Variants in IL1RAPL1 observed in about 807,000 individuals in gnomAD.
IL1RAPL1 encodes interleukin-1 receptor accessory protein-like 1.
Under a neutral mutation model 48.4 loss-of-function variants are expected in IL1RAPL1, and 3 were observed. The observed-to-expected ratio is 0.06, with a 90% CI of 0.03 to 0.16. The LOEUF (loss-of-function observed/expected upper bound fraction) is 0.16. Among genes scored for constraint, IL1RAPL1 ranks in the 10% least tolerant of loss-of-function variants. IL1RAPL1 has a pLI of 1.00. For missense variants in IL1RAPL1, 349 were observed against 530.6 expected, an observed-to-expected ratio of 0.66 and a Z score of 3.36; for synonymous variants, 185 against 187.7, an observed-to-expected ratio of 0.99 and a Z score of 0.12.
At chrX:29,462,304 C>T (rs1220438189) in intron 5 of IL1RAPL1, among the ~76,000 whole-genome samples, 2 of 111,344 alleles carry the variant, frequency 1.8e-5, no homozygotes, top group Admixed American at 9.6e-5. Flanking sequence ...TTTCATACCG[C>T]TTGTCACCAG....
chrX:28,811,215 A>G (rs1936790131), intron 2 of IL1RAPL1, among the ~76,000 whole-genome samples: 1 of 110,800 alleles, frequency 9.0e-6, no homozygotes, highest in Admixed American at 9.6e-5. Context: ...AGTTCAGTTA[A>G]TTTTATACAA....
intron 5 of IL1RAPL1, among the ~76,000 whole-genome samples, chrX:29,519,539 T>A (rs1284941193): frequency 8.9e-6 from 1 of 111,787 alleles, no homozygotes; most frequent in Admixed American, 9.5e-5. Context: ...AAAAATTGAG[T>A]TGGCAGTTCA....
intron 2 of IL1RAPL1, among the ~76,000 whole-genome samples, chrX:29,249,081 C>T (rs1438459111): frequency 2.7e-5 from 3 of 111,387 alleles, no homozygotes; most frequent in Non-Finnish European, 3.8e-5. Flanking sequence ...GGAAAGAATA[C>T]ACATATTGTG....
intron 6 of IL1RAPL1, among the ~76,000 whole-genome samples, chrX:29,686,128 TTATTC>T (rs1193142010): frequency 8.9e-6 from 1 of 111,969 alleles, no homozygotes; most frequent in Non-Finnish European, 1.9e-5. Context: ...GAAACTGACT[TTATTC>T]TAGTCTGTGA....
intron 1 of IL1RAPL1, among the ~76,000 whole-genome samples, chrX:28,723,849 G>T (rs1935626188): frequency 8.9e-6 from 1 of 111,753 alleles, no homozygotes; most frequent in Admixed American, 9.5e-5. Flanking sequence ...ATTTCGTTAT[G>T]TACCCAGTAG....
chrX:29,252,162 G>T (rs1377498674), intron 2 of IL1RAPL1, among the ~76,000 whole-genome samples: 2 of 112,857 alleles, frequency 1.8e-5, no homozygotes, highest in Non-Finnish European at 3.7e-5. Flanking sequence ...TATACCTAAT[G>T]CTAGATGACG....
At chrX:29,861,923 G>T (rs372529488) in intron 6 of IL1RAPL1, among the ~76,000 whole-genome samples, 4 of 111,200 alleles carry the variant, frequency 3.6e-5, no homozygotes, top group Non-Finnish European at 7.5e-5. Flanking sequence ...TCTAAGCAGG[G>T]TGAGGGCCAT....
chrX:29,267,351 T>C (rs1482239333), intron 2 of IL1RAPL1, among the ~76,000 whole-genome samples: 1 of 112,397 alleles, frequency 8.9e-6, no homozygotes, highest in Non-Finnish European at 1.9e-5. Flanking sequence ...ACATGAACTA[T>C]TGAATATAAA....
At chrX:29,322,220 T>C (rs1319413381) in intron 3 of IL1RAPL1, among the ~76,000 whole-genome samples, 1 of 110,404 alleles carries the variant, frequency 9.1e-6, no homozygotes. Flanking sequence ...TTTCTTTCTT[T>C]CTGTCTTTCT....
intron 6 of IL1RAPL1, among the ~76,000 whole-genome samples, chrX:29,911,678 G>A (rs1327932534): frequency 3.6e-5 from 4 of 111,616 alleles, no homozygotes; most frequent in East Asian, 2.8e-4. Flanking sequence ...AGTTCTTTGC[G>A]GAATCATATT....
intron 5 of IL1RAPL1, among the ~76,000 whole-genome samples, chrX:29,500,283 A>C (rs919324285): frequency 1.9e-4 from 21 of 112,236 alleles, no homozygotes; most frequent in Non-Finnish European, 2.8e-4. Context: ...GCCCAGCCAG[A>C]ATTATTCTTT....
At chrX:28,980,548 C>G (rs972407626) in intron 2 of IL1RAPL1, among the ~76,000 whole-genome samples, 1 of 111,771 alleles carries the variant, frequency 8.9e-6, no homozygotes, top group African/African-American at 3.3e-5. Context: ...CTCCCCGCAC[C>G]TTCTGCCACA....
At chrX:29,741,314 G>T (rs2147135586) in intron 6 of IL1RAPL1, among the ~76,000 whole-genome samples, 1 of 111,772 alleles carries the variant, frequency 8.9e-6, no homozygotes, top group African/African-American at 3.2e-5. Context: ...GTTTTAATTT[G>T]AAAATTAAGG....
At chrX:28,598,724 G>A (rs761594875) in intron 1 of IL1RAPL1, among the ~76,000 whole-genome samples, 1 of 106,782 alleles carries the variant, frequency 9.4e-6, no homozygotes, top group Non-Finnish European at 1.9e-5. Flanking sequence ...TGCCTCCCGG[G>A]TTCAAGCAAA....
At chrX:28,764,832 CACACAT>C (rs920689428) in intron 1 of IL1RAPL1, among the ~76,000 whole-genome samples, 4 of 110,512 alleles carry the variant, frequency 3.6e-5, no homozygotes, top group African/African-American at 1.3e-4. Context: ...CACACACACA[CACACAT>C]ATCCCCCATG....
chrX:29,009,510 A>G (rs1187200880), intron 2 of IL1RAPL1, among the ~76,000 whole-genome samples: 1 of 111,868 alleles, frequency 8.9e-6, no homozygotes, highest in Non-Finnish European at 1.9e-5. Flanking sequence ...CCATTGGTTG[A>G]ATGGGGGTCC....
intron 5 of IL1RAPL1, among the ~76,000 whole-genome samples, chrX:29,631,451 T>C (rs939852208): frequency 1.8e-4 from 20 of 111,412 alleles, no homozygotes; most frequent in African/African-American, 6.5e-4. Context: ...TTTTCTATTT[T>C]GTAATTTTTT....
intron 2 of IL1RAPL1, among the ~76,000 whole-genome samples, chrX:29,182,981 A>G (rs539015861): frequency 9.0e-6 from 1 of 111,312 alleles, no homozygotes; most frequent in Non-Finnish European, 1.9e-5. Flanking sequence ...TTAGAAGCTG[A>G]AAAAGGCAAA....
chrX:29,314,275 T>A, intron 3 of IL1RAPL1, among the ~76,000 whole-genome samples: 1 of 111,945 alleles, frequency 8.9e-6, no homozygotes, highest in South Asian at 3.7e-4. Flanking sequence ...GTTCTTTGAA[T>A]GCAGAGATTT....
Sources: allele counts gnomAD v4.1 joint callset (sites outside exome capture counted in the v4.1 genomes callset), GRCh38; gene constraint gnomAD v4.1.1; transcripts MANE v1.5; gene names NCBI Gene and HGNC (gene_info 2026-07-23, HGNC 2026-07-21).